The following LIPE variants were observed in gnomAD, a reference collection of about 807,000 sequenced individuals.
LIPE encodes the protein lipase E, hormone sensitive type, also known as hormone-sensitive lipase.
LIPE carries 66 observed loss-of-function variants against 88.5 expected under a neutral mutation model. That is an observed-to-expected ratio of 0.75 (90% CI 0.61 to 0.91). The LOEUF (loss-of-function observed/expected upper bound fraction) is 0.91. Among genes scored for constraint, LIPE ranks in the 40% least tolerant of loss-of-function variants. LIPE has a pLI of 0.00. For synonymous variants in LIPE, 570 were observed against 617.5 expected, an observed-to-expected ratio of 0.92 and a Z score of 1.14; for missense variants, 1,346 against 1,434.7, an observed-to-expected ratio of 0.94 and a Z score of 1.00.
Position 42,407,165 on chromosome 19 carries a change from G to A in LIPE, c.2137+9C>T. The A allele has an allele frequency of 6.7e-7, 1 of 1,486,888 alleles. No individual in the cohort carries two copies. Among genetic ancestry groups the A allele is most frequent in the Non-Finnish European group, 9.0e-7 (1 of 1,115,536 alleles). The allele number at this position is 1,486,888 out of a possible 1,614,324, so 92.1% of individuals were successfully genotyped here. A position where few individuals can be genotyped will look rare whatever the true frequency, so the allele number is the denominator to read the frequency against. Reference sequence around the variant, plus strand: ...CAGGCGCAGGTGGCTGTGGGGGCCTGAGGCTCACCAAGGAGGGCGCAGTGC... The same window carrying A: ...CAGGCGCAGGTGGCTGTGGGGGCCTAAGGCTCACCAAGGAGGGCGCAGTGC... On this transcript the variant is annotated intron_variant, in intron 6 of 9. Transcript: ENST00000244289. This position sits in a 1 kb window ranked among gnomAD's most constrained non-coding sequence, Gnocchi z 5.8.
At position 42,408,090 on chromosome 19, in the gene LIPE, G is replaced by T; in HGVS notation, c.1542C>A (p.Gly514=). ...SVAASSLFTS[G]RFAIDPELRG... ...GCAGCTCGGGGTCGATGGCAAAGCG[G>T]CCGCTGGTGAAGAGAGAGCTGGCGG... is the stretch of plus-strand genomic sequence containing the variant. Residue 514 remains glycine (G), a synonymous_variant, in exon 4 of 10, where the codon GGC becomes GGA. Coordinates refer to ENST00000244289, the MANE Select transcript of LIPE (RefSeq NM_005357.4). This position sits in a 1 kb window ranked among gnomAD's most constrained non-coding sequence, Gnocchi z 4.3. 1 of 1,613,922 alleles carries T rather than the reference G, an allele frequency of 6.2e-7. No homozygotes were observed. The highest frequency in any genetic ancestry group is 1.1e-5 in the South Asian group (1 of 91,080).
Position 42,403,032 on chromosome 19 carries a change from CTG to C in LIPE, c.2543-3_2543-2del. 1 of 1,547,278 alleles carries C rather than the reference CTG, an allele frequency of 6.5e-7. No individual in the cohort carries two copies. Among genetic ancestry groups the C allele is most frequent in the South Asian group, 1.2e-5 (1 of 84,776 alleles). The stretch of plus-strand genomic sequence containing the variant: ...TCAGACACACTGCGGCGCATCGGCT[CTG>C]AGAGAGGGAGAGCAGATAGGCCTGG... On this transcript the variant is annotated splice_acceptor_variant and splice_polypyrimidine_tract_variant and intron_variant, in intron 8 of 9. Transcript: ENST00000244289. LOFTEE classifies it high-confidence loss of function.
At position 42,401,830 on chromosome 19, in the gene LIPE, GC is replaced by G; in HGVS notation, c.3212del (p.Gly1071AlafsTer105). 1.2e-6 allele frequency: 1 copy of G among 838,096 alleles called. No individual in the cohort carries two copies. The allele number at this position is 838,096 out of a possible 1,614,324, so 51.9% of individuals were successfully genotyped here. ...CAGGCTTTTAGTGTCGCCCCCCGCA[GC>G]CCCCGTCTACCCCCGCAGCCCCCGT... ...GETGAAGVDG[G>X]CGGRH On this transcript the variant is annotated frameshift_variant, in exon 10 of 10. Coordinates refer to ENST00000244289, the MANE Select transcript of LIPE (RefSeq NM_005357.4). LOFTEE classifies it high-confidence loss of function.
intron 1 of LIPE, among the ~76,000 whole-genome samples, chr19:42,412,998 G>A (rs990364609): frequency 6.6e-6 from 1 of 152,180 alleles, no homozygotes; most frequent in Non-Finnish European, 1.5e-5. Context: ...ACCTGGACCT[G>A]CCACTTACCC....
intron 1 of LIPE, among the ~76,000 whole-genome samples, chr19:42,421,158 C>T (rs941806486): frequency 2.0e-5 from 3 of 152,184 alleles, no homozygotes; most frequent in Non-Finnish European, 4.4e-5. Flanking sequence ...CTTGGCCTCC[C>T]AAAGTGCCAG....
Position 42,427,205 on chromosome 19 carries a change from C to T in LIPE, c.-56G>A. 1.3e-6 allele frequency: 2 copies of T among 1,516,248 alleles called. No homozygotes were observed. Among genetic ancestry groups the T allele is most frequent in the South Asian group, 1.4e-5 (1 of 73,908 alleles). The allele number at this position is 1,516,248 out of a possible 1,614,324, so 93.9% of individuals were successfully genotyped here. ...TCCAGGTTCTATCCTTCTGGGCTCCCACCCAGCCCTCTCTCTTCACAGATC... is the reference window on the plus strand; with the variant it reads ...TCCAGGTTCTATCCTTCTGGGCTCCTACCCAGCCCTCTCTCTTCACAGATC... On this transcript the variant is annotated 5_prime_UTR_variant, in exon 1 of 10. Transcript: ENST00000244289.
In LIPE at chr19:42,410,614, T is replaced by C. The variant is rs2040346249; in HGVS notation, c.1112A>G (p.Asn371Ser). Residue 371 changes from asparagine to serine, a missense_variant, in exon 2 of 10, where the codon AAC becomes AGC. Asn to Ser is a conservative substitution (Grantham distance 46, BLOSUM62 1). Coordinates refer to ENST00000244289, the MANE Select transcript of LIPE (RefSeq NM_005357.4). This position sits in a 1 kb window ranked among gnomAD's most constrained non-coding sequence, Gnocchi z 6.1. ...LFDLDPETPA[N>S]GYRSLVHTAR... ...TGTGTGCACTAGGCTGCGGTACCCG[T>C]TGGCCGGTGTCTCTGGGTCCAGGTC... The C allele has an allele frequency of 6.2e-7, 1 of 1,613,474 alleles. No individual in the cohort carries two copies. Among genetic ancestry groups the C allele is most frequent in the South Asian group, 1.1e-5 (1 of 91,070 alleles).
intron 1 of LIPE, chr19:42,412,382 C>CCT: frequency 1.0e-6 from 1 of 985,916 alleles, no homozygotes; most frequent in African/African-American, 1.7e-5. Context: ...AGGCATCTTC[C>CCT]GAGCTTCCCT....
chr19:42,421,068 T>A (rs1323905233), intron 1 of LIPE, among the ~76,000 whole-genome samples: 2 of 152,018 alleles, frequency 1.3e-5, no homozygotes, highest in Non-Finnish European at 2.9e-5. Flanking sequence ...CCGGCTAATG[T>A]TTGTGTTTTT....
In LIPE at chr19:42,427,274, C is replaced by G. The variant is rs896237682; in HGVS notation, c.-125G>C. 13 of 1,436,408 alleles carry G rather than the reference C, an allele frequency of 9.1e-6. No homozygotes were observed. Among genetic ancestry groups the G allele is most frequent in the Non-Finnish European group, 1.2e-5 (13 of 1,100,234 alleles). The allele number at this position is 1,436,408 out of a possible 1,614,324, so 89.0% of individuals were successfully genotyped here. ...ATGGCACTTCCTCTTGGGTTTCACT[C>G]CATCCTAGCATCACTGGTCTTCCTT... On this transcript the variant is annotated 5_prime_UTR_variant, in exon 1 of 10. Coordinates refer to ENST00000244289, the MANE Select transcript of LIPE (RefSeq NM_005357.4).
At chr19:42,409,400 CAA>C (rs760628566) in intron 2 of LIPE, among the ~76,000 whole-genome samples, 43 of 72,890 alleles carry the variant, frequency 5.9e-4, no homozygotes, top group Admixed American at 1.6e-3. Context: ...AAACAAAATA[CAA>C]AAAAAAAAAA....
intron 1 of LIPE, among the ~76,000 whole-genome samples, chr19:42,421,660 CT>C (rs1374248793): frequency 6.6e-6 from 1 of 152,260 alleles, no homozygotes; most frequent in Non-Finnish European, 1.5e-5. Flanking sequence ...GCAGCCATCT[CT>C]TTGCCCTCAC....
chr19:42,419,888 C>CGT (rs1406651498), intron 1 of LIPE, among the ~76,000 whole-genome samples: 1 of 151,894 alleles, frequency 6.6e-6, no homozygotes, highest in African/African-American at 2.4e-5. Flanking sequence ...TTTCTCTGTG[C>CGT]GTGTGTGTGT....
chr19:42,425,864 A>C (rs897862915), intron 1 of LIPE, among the ~76,000 whole-genome samples: 3 of 152,060 alleles, frequency 2.0e-5, no homozygotes, highest in Admixed American at 6.5e-5. Context: ...GTGCAGTGGC[A>C]CGATCTCAGC....
intron 8 of LIPE, 115 bp downstream of exon 8, chr19:42,405,270 G>C: frequency 1.9e-6 from 2 of 1,065,638 alleles, no homozygotes; most frequent in Non-Finnish European, 2.7e-6. Flanking sequence ...CTCCCAAAGT[G>C]CTGGGATTGC....
At chr19:42,412,601 G>T (rs567207070) in intron 1 of LIPE, 1 of 983,396 alleles carries the variant, frequency 1.0e-6, no homozygotes, top group East Asian at 1.1e-4. Flanking sequence ...TGGTAGTCCT[G>T]TTACAGGCTC....
At position 42,407,886 on chromosome 19, in the gene LIPE, C is replaced by T. The variant is rs561080027; in HGVS notation, c.1656+90G>A. ...GATCCCCAGTCTTTCCCCTTGTGTGCCATCCCTGGGCCTGGAGCCCCACAG... is the reference window on the plus strand; with the variant it reads ...GATCCCCAGTCTTTCCCCTTGTGTGTCATCCCTGGGCCTGGAGCCCCACAG... On this transcript the variant is annotated intron_variant, in intron 4 of 9. Transcript: ENST00000244289. The surrounding 1 kb of genome is among the most constrained non-coding windows in gnomAD (Gnocchi z 5.8). 2 of 1,561,010 alleles carry T rather than the reference C, an allele frequency of 1.3e-6. No individual in the cohort carries two copies. Among genetic ancestry groups the T allele is most frequent in the African/African-American group, 1.4e-5 (1 of 73,674 alleles).
rs770971395 is a variant in LIPE at position 42,402,598 on chromosome 19, G to A, written c.2967+9C>T. 6.1e-6 allele frequency: 9 copies of A among 1,477,816 alleles called. No homozygotes were observed. The highest frequency in any genetic ancestry group is 8.1e-6 in the Non-Finnish European group (9 of 1,111,370). 91.5% of individuals were successfully genotyped at this position (1,477,816 alleles called of 1,614,324 possible). ...AAATGCACCTGTACCGGCCCCCTCT[G>A]TCGCTCACCACGATGTGCACAGGTG... On this transcript the variant is annotated intron_variant, in intron 9 of 9. Transcript: ENST00000244289.
At position 42,406,235 on chromosome 19, in the gene LIPE, G is replaced by A. The variant is rs779819875; in HGVS notation, c.2291C>T (p.Pro764Leu). Residue 764 changes from proline (P) to leucine (L), a missense_variant, in exon 7 of 10, where the codon CCC becomes CTC. Transcript: ENST00000244289. This position sits in a 1 kb window ranked among gnomAD's most constrained non-coding sequence, Gnocchi z 5.7. Reference sequence around the variant, plus strand: ...GTCCATGAGGCTCAGCAGGCGGGAGGGAGAGGCGGCAGGCTGCAGCATTGT... The same window carrying A: ...GTCCATGAGGCTCAGCAGGCGGGAGAGAGAGGCGGCAGGCTGCAGCATTGT... ...PATMLQPAASPSRLLSLMDPL... is the reference protein window; with the variant it reads ...PATMLQPAASLSRLLSLMDPL... The A allele has an allele frequency of 3.1e-6, 5 of 1,613,740 alleles. No individual in the cohort carries two copies. In the East Asian group the frequency reaches 1.1e-4, roughly 36 times the overall value.
Sources: allele counts gnomAD v4.1 joint callset (sites outside exome capture counted in the v4.1 genomes callset), GRCh38; gene constraint gnomAD v4.1.1; non-coding constraint Gnocchi (gnomAD v3.1); transcripts MANE v1.5; gene names NCBI Gene and HGNC (gene_info 2026-07-23, HGNC 2026-07-21).